Variants in SLAIN2 observed in about 807,000 individuals in gnomAD.
SLAIN2 encodes the protein SLAIN family member 2, also known as SLAIN motif-containing protein 2.
In SLAIN2, 31 loss-of-function variants were observed where a neutral mutation model predicts 56.6. The ratio of observed to expected loss-of-function variants is 0.55; its 90% CI spans 0.41 to 0.74. The LOEUF is 0.74. Ranked by LOEUF, SLAIN2 falls within the 30% of genes least tolerant of loss-of-function variation. The pLI, the probability that SLAIN2 is intolerant of heterozygous loss-of-function variation, is 0.00. For synonymous variants in SLAIN2, 317 were observed against 284.9 expected, an observed-to-expected ratio of 1.11 and a Z score of -1.13; for missense variants, 777 against 754.2, an observed-to-expected ratio of 1.03 and a Z score of -0.35.
chr4:48,351,734 A>G (rs1715014435), intron 1 of SLAIN2, among the ~76,000 whole-genome samples: 2 of 152,258 alleles, frequency 1.3e-5, no homozygotes, highest in African/African-American at 4.8e-5. Flanking sequence ...TGCTGTATAA[A>G]TATTTGTTTA....
In SLAIN2 at chr4:48,422,151, T is replaced by C; in HGVS notation, c.*74T>C. ...ACCAGGCTAAAAAACAACTTTTATA[T>C]GCAGACTGTTCAGATAAGACTCTTG... On this transcript the variant is annotated 3_prime_UTR_variant, in exon 8 of 8. Transcript: ENST00000264313. The C allele has an allele frequency of 1.8e-6, 2 of 1,118,678 alleles. No individual in the cohort carries two copies. The highest frequency in any genetic ancestry group is 2.7e-6 in the Non-Finnish European group (2 of 751,364). The allele number at this position is 1,118,678 out of a possible 1,614,324, so 69.3% of individuals were successfully genotyped here.
intron 1 of SLAIN2, among the ~76,000 whole-genome samples, chr4:48,362,734 TTTTTTTTTTTTTATTC>T (rs1715363941): frequency 7.3e-6 from 1 of 136,304 alleles, no homozygotes; most frequent in Non-Finnish European, 1.6e-5. Flanking sequence ...TTAAATTTCT[TTTTTTTTTTTTTATTC>T]TTTTTTTTTT....
At chr4:48,396,349 A>G (rs1279399919) in intron 6 of SLAIN2, among the ~76,000 whole-genome samples, 1 of 152,032 alleles carries the variant, frequency 6.6e-6, no homozygotes, top group African/African-American at 2.4e-5. Flanking sequence ...AGACTTCTAT[A>G]TTTTCTGATT....
At chr4:48,366,384 T>C (rs1221488872) in intron 1 of SLAIN2, among the ~76,000 whole-genome samples, 1 of 152,238 alleles carries the variant, frequency 6.6e-6, no homozygotes, top group Non-Finnish European at 1.5e-5. Context: ...TGTAGTTCTT[T>C]TTTCAGTTAT....
chr4:48,369,745 C>A, intron 1 of SLAIN2, 104 bp from the exon 2 acceptor site: 1 of 1,009,986 alleles, frequency 9.9e-7, no homozygotes, highest in Non-Finnish European at 1.4e-6. Flanking sequence ...TACTCCATGA[C>A]TTTTACTCCC....
intron 1 of SLAIN2, among the ~76,000 whole-genome samples, chr4:48,360,583 CTCTG>C (rs1715297969): frequency 1.3e-5 from 2 of 151,898 alleles, no homozygotes; most frequent in Non-Finnish European, 2.9e-5. Context: ...TGAAGTGAGA[CTCTG>C]TCTCCAAAAA....
chr4:48,407,610 T>TA (rs1339512962), intron 6 of SLAIN2, among the ~76,000 whole-genome samples: 1 of 152,208 alleles, frequency 6.6e-6, no homozygotes, highest in Non-Finnish European at 1.5e-5. Context: ...ATTTAAGACT[T>TA]ACTAATTTTA....
intron 6 of SLAIN2, among the ~76,000 whole-genome samples, chr4:48,384,526 C>G (rs1388318005): frequency 2.0e-5 from 3 of 152,100 alleles, no homozygotes; most frequent in African/African-American, 7.2e-5. Context: ...AAGAATTGAT[C>G]AGGACTTGTC....
In SLAIN2 at chr4:48,422,531, A is replaced by C. The variant is rs1717185345; in HGVS notation, c.*454A>C. 1 of 153,858 alleles carries C rather than the reference A, an allele frequency of 6.5e-6. No homozygotes were observed. The highest frequency in any genetic ancestry group is 2.4e-5 in the African/African-American group (1 of 41,472). The allele number at this position is 153,858 out of a possible 1,614,324, so 9.5% of individuals were successfully genotyped here. ...ATAAATATTTGTGTTAATGAGAACT[A>C]ATATTCTGACTAATTATCTAAAGTG... is the stretch of plus-strand genomic sequence containing the variant. On this transcript the variant is annotated 3_prime_UTR_variant, in exon 8 of 8. Transcript: ENST00000264313.
chr4:48,342,251 C>A (rs1714732063), intron 1 of SLAIN2, 123 bp downstream of exon 1: 2 of 1,218,400 alleles, frequency 1.6e-6, no homozygotes, highest in African/African-American at 1.6e-5. Context: ...CCTGTGGCGA[C>A]TTGTGGTTTT....
intron 4 of SLAIN2, among the ~76,000 whole-genome samples, chr4:48,380,825 CTG>C (rs1715953103): frequency 1.3e-5 from 2 of 152,140 alleles, no homozygotes; most frequent in Admixed American, 1.3e-4. Context: ...TTTCTGTTGT[CTG>C]TGTATGTAAT....
chr4:48,402,753 C>T (rs983306833), intron 6 of SLAIN2, among the ~76,000 whole-genome samples: 1 of 152,206 alleles, frequency 6.6e-6, no homozygotes, highest in African/African-American at 2.4e-5. Context: ...CAGCCCAGTT[C>T]TGTGCCCTTG....
At chr4:48,353,631 T>C (rs1263365289) in intron 1 of SLAIN2, among the ~76,000 whole-genome samples, 1 of 152,202 alleles carries the variant, frequency 6.6e-6, no homozygotes, top group Non-Finnish European at 1.5e-5. Flanking sequence ...GACATAGTTT[T>C]GAATCTGGTA....
intron 1 of SLAIN2, among the ~76,000 whole-genome samples, chr4:48,361,624 A>T (rs1162916728): frequency 2.0e-5 from 3 of 150,978 alleles, no homozygotes; most frequent in South Asian, 4.2e-4. Context: ...AATTAAAAAG[A>T]TTTTTTTTTT....
intron 6 of SLAIN2, among the ~76,000 whole-genome samples, chr4:48,389,825 C>T (rs1383444081): frequency 6.6e-6 from 1 of 152,098 alleles, no homozygotes; most frequent in Non-Finnish European, 1.5e-5. Flanking sequence ...ACAGGACAGG[C>T]TGTAGGAGTT....
chr4:48,356,885 A>G (rs946490953), intron 1 of SLAIN2, among the ~76,000 whole-genome samples: 3 of 152,244 alleles, frequency 2.0e-5, no homozygotes, highest in South Asian at 4.1e-4. Context: ...TTAAAAGGTT[A>G]TCTTCAGTTT....
intron 6 of SLAIN2, among the ~76,000 whole-genome samples, chr4:48,386,107 A>AAAAAC (rs1560459324): frequency 1.4e-5 from 2 of 147,122 alleles, no homozygotes; most frequent in Non-Finnish European, 3.0e-5. Context: ...AAAAAAAAAA[A>AAAAAC]AAGCTACGAA....
At chr4:48,366,824 T>G (rs1715534824) in intron 1 of SLAIN2, among the ~76,000 whole-genome samples, 1 of 152,108 alleles carries the variant, frequency 6.6e-6, no homozygotes, top group Non-Finnish European at 1.5e-5. Context: ...AATGTTTGTT[T>G]TTTTAAGCAA....
At position 48,361,199 on chromosome 4, in the gene SLAIN2, A is replaced by T. The variant is rs142844237; in HGVS notation, c.390-8650A>T. ...TCCTGAAGAATTGAAATTTAAGCTG[A>T]TACCCAATAGAAAATAGAGAAGAGC... On this transcript the variant is annotated intron_variant, in intron 1 of 7. Coordinates refer to ENST00000264313, the MANE Select transcript of SLAIN2 (RefSeq NM_020846.2). 5.6e-4 allele frequency among the ~76,000 whole-genome samples: 86 copies of T among 152,354 alleles called. No individual in the cohort carries two copies. The East Asian group carries it at 0.013, about 24-fold the overall frequency.
Sources: gnomAD v4.1 joint callset for allele counts (sites outside exome capture counted in the v4.1 genomes callset) on GRCh38, gnomAD v4.1.1 for gene constraint, MANE v1.5 for transcripts, NCBI Gene and HGNC (gene_info 2026-07-23, HGNC 2026-07-21) for gene names.